ARID3B: variants seen among roughly 807,000 people sequenced by gnomAD.
The protein encoded by ARID3B is AT-rich interaction domain 3B, also known as AT-rich interactive domain-containing protein 3B.
A neutral mutation model predicts 51.9 loss-of-function variants in ARID3B; 10 were observed. The ratio of observed to expected loss-of-function variants is 0.19; its 90% CI spans 0.12 to 0.33. ARID3B has a LOEUF of 0.33. ARID3B is among the 10% of genes least tolerant of loss of function. The probability of loss-of-function intolerance (pLI) is 1.00; values close to 1 mark genes in which losing one functional copy is unlikely to be tolerated. For missense variants in ARID3B, 483 were observed against 716.3 expected, an observed-to-expected ratio of 0.67 and a Z score of 3.72; for synonymous variants, 205 against 279.5, an observed-to-expected ratio of 0.73 and a Z score of 2.66.
chr15:74,548,718 C>T (rs1567115453), intron 2 of ARID3B, among the ~76,000 whole-genome samples: 1 of 152,220 alleles, frequency 6.6e-6, no homozygotes, highest in Non-Finnish European at 1.5e-5. Flanking sequence ...ACCCTCAGCT[C>T]ATGACAGCGT....
Position 74,543,849 on chromosome 15 carries a change from T to C in ARID3B, c.-77-11T>C, listed in dbSNP as rs1358095333. ...CCCCCTCCTTCTTTGTGGTTTCTGTTAATCACTAAGGTTTAGACCCAGTGT... is the reference window on the plus strand; with the variant it reads ...CCCCCTCCTTCTTTGTGGTTTCTGTCAATCACTAAGGTTTAGACCCAGTGT... On this transcript the variant is annotated splice_polypyrimidine_tract_variant and intron_variant, in intron 1 of 8. Coordinates refer to ENST00000346246, the MANE Select transcript of ARID3B (RefSeq NM_006465.4). The C allele has an allele frequency of 6.0e-6, 9 of 1,495,976 alleles. No homozygotes were observed. The highest frequency in any genetic ancestry group is 8.1e-6 in the Non-Finnish European group (9 of 1,112,826). 92.7% of individuals were successfully genotyped at this position (1,495,976 alleles called of 1,614,324 possible).
At chr15:74,557,909 C>T (rs1373033829) in intron 2 of ARID3B, among the ~76,000 whole-genome samples, 4 of 150,478 alleles carry the variant, frequency 2.7e-5, no homozygotes, top group African/African-American at 9.8e-5. Flanking sequence ...GCAAGCACTG[C>T]CTTCAGGGTT....
At chr15:74,543,339 ACTGT>A (rs1379148970) in intron 1 of ARID3B, among the ~76,000 whole-genome samples, 1 of 152,044 alleles carries the variant, frequency 6.6e-6, no homozygotes, top group Non-Finnish European at 1.5e-5. Context: ...TGAGAGTAAA[ACTGT>A]CTGCCTGATA....
chr15:74,578,160 C>CT lies in ARID3B; in HGVS notation c.697+4964dup, dbSNP rs1472225474. Among the ~76,000 whole-genome samples, 11 of 54,866 alleles carry CT rather than the reference C, an allele frequency of 2.0e-4. No individual in the cohort carries two copies. The South Asian group carries it at 2.3e-3, about 12-fold the overall frequency. The allele number at this position is 54,866 out of a possible 152,430, so 36.0% of individuals were successfully genotyped here. ...ACATGAGCCACCGCACCTGGCCTGTCTTTTTTTTGTTTTTTTTTGTTTTTT... is the reference window on the plus strand; with the variant it reads ...ACATGAGCCACCGCACCTGGCCTGTCTTTTTTTTTGTTTTTTTTTGTTTTTT... On this transcript the variant is annotated intron_variant, in intron 4 of 8. Coordinates refer to ENST00000346246, the MANE Select transcript of ARID3B (RefSeq NM_006465.4).
chr15:74,550,295 T>C (rs2061631662), intron 2 of ARID3B, among the ~76,000 whole-genome samples: 1 of 152,164 alleles, frequency 6.6e-6, no homozygotes, highest in South Asian at 2.1e-4. Context: ...TTGTAGACAT[T>C]AACCCCAAAA....
At chr15:74,543,833 T>C in intron 1 of ARID3B, 27 bp from the exon 2 acceptor site, 1 of 1,446,028 alleles carries the variant, frequency 6.9e-7, no homozygotes, top group Non-Finnish European at 9.3e-7. Context: ...TCCCCCTCCT[T>C]CTTTGTGGTT....
chr15:74,546,327 G>GCGCTGGGAAAGTTCAGGCC (rs371074735), intron 2 of ARID3B, among the ~76,000 whole-genome samples: 42 of 152,356 alleles, frequency 2.8e-4, no homozygotes, highest in African/African-American at 1.0e-3. Context: ...TGCCCTGACA[G>GCGCTGGGAAAGTTCAGGCC]CGCTGGGAAA....
intron 7 of ARID3B, among the ~76,000 whole-genome samples, chr15:74,592,652 C>G (rs149791209): frequency 8.1e-4 from 123 of 152,336 alleles, no homozygotes; most frequent in African/African-American, 2.6e-3. Context: ...CCAGCACTTG[C>G]AGGCTTCCAC....
At chr15:74,574,453 G>GC (rs1387683873) in intron 4 of ARID3B, 1 of 152,150 alleles carries the variant, frequency 6.6e-6, no homozygotes, top group Non-Finnish European at 1.5e-5. Context: ...TGTAATGGCA[G>GC]CCCCCAGCAG....
Position 74,597,491 on chromosome 15 carries a change from T to A in ARID3B, c.*1717T>A, listed in dbSNP as rs1230374857. 6.9e-5 allele frequency: 37 copies of A among 532,934 alleles called. 1 individual carries two copies. Among genetic ancestry groups the A allele is most frequent in the East Asian group, 1.6e-4 (4 of 25,748 alleles). 33.0% of individuals were successfully genotyped at this position (532,934 alleles called of 1,614,324 possible). ...TCTTCTCTCAGCCCTCCACACACAC[T>A]CACCCCCACTCCCACACACATACAC... On this transcript the variant is annotated 3_prime_UTR_variant, in exon 9 of 9. Coordinates refer to ENST00000346246, the MANE Select transcript of ARID3B (RefSeq NM_006465.4).
intron 2 of ARID3B, among the ~76,000 whole-genome samples, chr15:74,545,764 G>T (rs1253081915): frequency 1.3e-5 from 2 of 152,168 alleles, no homozygotes; most frequent in South Asian, 4.1e-4. Context: ...TGGATCAGGA[G>T]GTCTGTACAG....
At chr15:74,573,047 C>G (rs1184642381) in intron 3 of ARID3B, 85 bp from the exon 4 acceptor site, 1 of 1,587,720 alleles carries the variant, frequency 6.3e-7, no homozygotes. Flanking sequence ...TGTAGTGATT[C>G]AGATGGTCAT....
chr15:74,595,864 G>A lies in ARID3B; in HGVS notation c.*90G>A, dbSNP rs1445922881. On this transcript the variant is annotated 3_prime_UTR_variant, in exon 9 of 9. Transcript: ENST00000346246. ...ATTTACCTCATCTCACAGAGCCCAC[G>A]TCGACGAGCACCATTTGGCCAGACA... is the stretch of plus-strand genomic sequence containing the variant. 24 of 1,370,256 alleles carry A rather than the reference G, an allele frequency of 1.8e-5. No individual in the cohort carries two copies. Among genetic ancestry groups the A allele is most frequent in the African/African-American group, 7.7e-5 (5 of 64,694 alleles). 84.9% of individuals were successfully genotyped at this position (1,370,256 alleles called of 1,614,324 possible).
Position 74,591,961 on chromosome 15 carries a change from G to T in ARID3B, c.1420+147G>T, listed in dbSNP as rs764742531. 1.5e-6 allele frequency: 2 copies of T among 1,295,084 alleles called. No homozygotes were observed. Among genetic ancestry groups the T allele is most frequent in the Non-Finnish European group, 2.1e-6 (2 of 957,104 alleles). 80.2% of individuals were successfully genotyped at this position (1,295,084 alleles called of 1,614,324 possible). ...GGTTCTGCCTTCCAGGCCCCTAGAA[G>T]AGAGGCACTGAGATCTTAGTTCACC... On this transcript the variant is annotated intron_variant, in intron 7 of 8. Transcript: ENST00000346246. This position sits in a 1 kb window ranked among gnomAD's most constrained non-coding sequence, Gnocchi z 5.8.
At chr15:74,576,380 A>G (rs1177155634) in intron 4 of ARID3B, among the ~76,000 whole-genome samples, 1 of 152,206 alleles carries the variant, frequency 6.6e-6, no homozygotes, top group Non-Finnish European at 1.5e-5. Flanking sequence ...ATCCTCTGCA[A>G]GAAAAACTCT....
intron 2 of ARID3B, among the ~76,000 whole-genome samples, chr15:74,546,493 G>A (rs1469334500): frequency 6.6e-6 from 1 of 152,212 alleles, no homozygotes; most frequent in African/African-American, 2.4e-5. Context: ...TTGAGGTCAA[G>A]CCATTAGAGG....
chr15:74,562,024 G>C (rs2061681036), intron 2 of ARID3B, among the ~76,000 whole-genome samples: 1 of 141,250 alleles, frequency 7.1e-6, no homozygotes. Flanking sequence ...CCTGGCGACA[G>C]AGCAAGACTC....
chr15:74,579,854 TGTGTGTGTGTGTGTGTGTGC>T (rs1375477229), intron 4 of ARID3B, among the ~76,000 whole-genome samples: 2 of 144,722 alleles, frequency 1.4e-5, no homozygotes, highest in African/African-American at 2.7e-5. Flanking sequence ...TGTGTGTGTG[TGTGTGTGTGTGTGTGTGTGC>T]GCGCGCGCGC....
At chr15:74,542,638 C>T (rs945480038) in intron 1 of ARID3B, among the ~76,000 whole-genome samples, 2 of 152,200 alleles carry the variant, frequency 1.3e-5, no homozygotes, top group Non-Finnish European at 2.9e-5. Context: ...TGTCTTTCGA[C>T]CCAATCCTAA....
Sources: gnomAD v4.1 joint callset for allele counts (sites outside exome capture counted in the v4.1 genomes callset) on GRCh38, gnomAD v4.1.1 for gene constraint, Gnocchi (gnomAD v3.1) non-coding constraint, MANE v1.5 for transcripts, NCBI Gene and HGNC (gene_info 2026-07-23, HGNC 2026-07-21) for gene names.